The following MARK2 variants were observed in gnomAD, a reference collection of about 807,000 sequenced individuals.
MARK2 encodes serine/threonine-protein kinase MARK2.
A neutral mutation model predicts 89.8 loss-of-function variants in MARK2; 16 were observed. The observed-to-expected ratio is 0.18, with a 90% CI of 0.12 to 0.27. The LOEUF is 0.27. MARK2 is among the 10% of genes least tolerant of loss of function. MARK2 has a pLI of 1.00. For missense variants in MARK2, 621 were observed against 1,049.9 expected (o/e 0.59, Z 5.65); for synonymous variants, 382 against 399.5 (o/e 0.96, Z 0.52).
At chr11:63,861,924 C>CTTTT (rs71039682) in intron 1 of MARK2, among the ~76,000 whole-genome samples, 38 of 97,630 alleles carry the variant, frequency 3.9e-4, no homozygotes, top group South Asian at 1.2e-3. Context: ...TTCTTTCTTT[C>CTTTT]TTTTTTTTTT....
Position 63,898,850 on chromosome 11 carries a change from C to T in MARK2, c.474+17C>T, listed in dbSNP as rs758938795. 2 of 1,609,608 alleles carry T rather than the reference C, an allele frequency of 1.2e-6. No individual in the cohort carries two copies. Among genetic ancestry groups the T allele is most frequent in the Admixed American group, 1.7e-5 (1 of 60,004 alleles). On this transcript the variant is annotated intron_variant, in intron 6 of 18. Coordinates refer to ENST00000402010, the MANE Select transcript of MARK2 (RefSeq NM_001039469.3). ...TTCCGCCAGGTAGGTGTGACTCCCT[C>T]CATAGGAGCTAGGCCTGACCTCTGC...
intron 17 of MARK2, 64 bp downstream of exon 17, chr11:63,906,178 C>T: frequency 8.0e-7 from 1 of 1,251,640 alleles, no homozygotes; most frequent in Non-Finnish European, 1.0e-6. Context: ...GTCCTGCCTC[C>T]ATCACTAACT....
At chr11:63,849,209 T>A (rs2016437660) in intron 1 of MARK2, among the ~76,000 whole-genome samples, 1 of 152,150 alleles carries the variant, frequency 6.6e-6, no homozygotes, top group Non-Finnish European at 1.5e-5. Context: ...TCCCTACTTC[T>A]CCGCCACAGA....
At chr11:63,896,238 G>C (rs1403090627) in intron 3 of MARK2, among the ~76,000 whole-genome samples, 3 of 152,134 alleles carry the variant, frequency 2.0e-5, no homozygotes. Context: ...CCTACTTCCT[G>C]CATCTTGTTA....
chr11:63,886,438 T>G (rs1939401856), intron 1 of MARK2, among the ~76,000 whole-genome samples: 1 of 151,208 alleles, frequency 6.6e-6, no homozygotes, highest in Non-Finnish European at 1.5e-5. Flanking sequence ...TGGCTTTTTT[T>G]TTTTGAGACA....
At chr11:63,875,221 A>G (rs1311523883) in intron 1 of MARK2, among the ~76,000 whole-genome samples, 1 of 151,294 alleles carries the variant, frequency 6.6e-6, no homozygotes, top group African/African-American at 2.4e-5. Flanking sequence ...CCCAGGTTCA[A>G]GCGATTCTCC....
intron 1 of MARK2, among the ~76,000 whole-genome samples, chr11:63,844,508 A>T (rs1013100430): frequency 1.3e-5 from 2 of 152,162 alleles, no homozygotes; most frequent in Non-Finnish European, 2.9e-5. Flanking sequence ...ACTTTTCTCC[A>T]ATTTATGGAC....
In MARK2 at chr11:63,908,312, GGCTGGAGCCA is replaced by G. The variant is rs1201088969; in HGVS notation, c.2006+11_2006+20del. On this transcript the variant is annotated intron_variant, in intron 18 of 18. Coordinates refer to ENST00000402010, the MANE Select transcript of MARK2 (RefSeq NM_001039469.3). ...CCGAGTGGAGACGCTCAGGTGAGAG[GGCTGGAGCCA>G]GCACTGGCCCTGCCCGGGCCACCGG... The G allele has an allele frequency of 6.4e-7, 1 of 1,559,754 alleles. No individual in the cohort carries two copies. The highest frequency in any genetic ancestry group is 8.7e-7 in the Non-Finnish European group (1 of 1,151,252).
chr11:63,840,119 T>G (rs1280948710), intron 1 of MARK2, among the ~76,000 whole-genome samples: 2 of 152,158 alleles, frequency 1.3e-5, no homozygotes, highest in Non-Finnish European at 2.9e-5. Context: ...TTTTCCAAAT[T>G]GTGCTCTCCC....
rs34074167 is a variant in MARK2 at position 63,850,315 on chromosome 11, A to ATTTTTTTTTTTTTTTTT, written c.54+10764_54+10780dup. On this transcript the variant is annotated intron_variant, in intron 1 of 18. Transcript: ENST00000402010. ...AGGCACCTGCCACCATACCTGGCTA[A>ATTTTTTTTTTTTTTTTT]TTTTTTTTTTTTTTTTTTTTTTTTT... Among the ~76,000 whole-genome samples the ATTTTTTTTTTTTTTTTT allele has an allele frequency of 1.1e-4, 11 of 95,766 alleles. 1 individual carries two copies. The highest frequency in any genetic ancestry group is 1.8e-4 in the Non-Finnish European group (9 of 51,388). The allele number at this position is 95,766 out of a possible 152,430, so 62.8% of individuals were successfully genotyped here. A position where few individuals can be genotyped will look rare whatever the true frequency, so the allele number is the denominator to read the frequency against.
chr11:63,866,212 C>T (rs1464006998), intron 1 of MARK2, among the ~76,000 whole-genome samples: 3 of 151,918 alleles, frequency 2.0e-5, no homozygotes, highest in Admixed American at 1.3e-4. Context: ...ATTAGCCAGG[C>T]GTGGTGGTGT....
intron 3 of MARK2, 62 bp downstream of exon 3, chr11:63,895,695 GC>G (rs1940332463): frequency 7.0e-6 from 9 of 1,282,092 alleles, no homozygotes; most frequent in Non-Finnish European, 1.1e-6. Context: ...TTGAGTCAGA[GC>G]CTCACTCTTG....
At chr11:63,907,001 C>T (rs1941393783) in intron 17 of MARK2, among the ~76,000 whole-genome samples, 1 of 152,164 alleles carries the variant, frequency 6.6e-6, no homozygotes, top group Non-Finnish European at 1.5e-5. Flanking sequence ...TGCACCCTTA[C>T]TCAGGGGTCT....
At chr11:63,859,470 G>A (rs984946004) in intron 1 of MARK2, among the ~76,000 whole-genome samples, 1 of 151,774 alleles carries the variant, frequency 6.6e-6, no homozygotes, top group South Asian at 2.1e-4. Flanking sequence ...GCAGGTGCCC[G>A]CCAGTATACC....
At chr11:63,894,845 C>T (rs377575337) in intron 1 of MARK2, among the ~76,000 whole-genome samples, 1 of 152,142 alleles carries the variant, frequency 6.6e-6, no homozygotes, top group East Asian at 1.9e-4. Flanking sequence ...GGCAGGGTAC[C>T]GGCTCTCCCT....
chr11:63,897,298 G>A (rs1940492319), intron 3 of MARK2, among the ~76,000 whole-genome samples: 1 of 152,150 alleles, frequency 6.6e-6, no homozygotes, highest in South Asian at 2.1e-4. Context: ...GTTGGACCAG[G>A]GAAAAAAGTA....
chr11:63,898,294 G>A lies in MARK2; in HGVS notation c.337+14G>A. 6.2e-7 allele frequency: 1 copy of A among 1,611,834 alleles called. No individual in the cohort carries two copies. The highest frequency in any genetic ancestry group is 8.5e-7 in the Non-Finnish European group (1 of 1,177,992). ...ATCCCAACATAGGTGAGCACAAGTTGTTATTTCTTTCTTCTTCCCCAACAG... is the reference window on the plus strand; with the variant it reads ...ATCCCAACATAGGTGAGCACAAGTTATTATTTCTTTCTTCTTCCCCAACAG... On this transcript the variant is annotated intron_variant, in intron 4 of 18. Coordinates refer to ENST00000402010, the MANE Select transcript of MARK2 (RefSeq NM_001039469.3).
At chr11:63,887,334 G>A (rs1164911948) in intron 1 of MARK2, among the ~76,000 whole-genome samples, 2 of 152,222 alleles carry the variant, frequency 1.3e-5, no homozygotes, top group Non-Finnish European at 2.9e-5. Context: ...GTGAGATTTT[G>A]GGCAAGTCTC....
rs1216910363 is a variant in MARK2, at chr11:63,856,792, T to G, written c.54+17232T>G. Among the ~76,000 whole-genome samples, 48 of 38,594 alleles carry G rather than the reference T, an allele frequency of 1.2e-3. 1 individual carries two copies. Among genetic ancestry groups the G allele is most frequent in the African/African-American group, 4.7e-3 (45 of 9,624 alleles). The allele number at this position is 38,594 out of a possible 152,430, so 25.3% of individuals were successfully genotyped here. A position where few individuals can be genotyped will look rare whatever the true frequency, so the allele number is the denominator to read the frequency against. The stretch of plus-strand genomic sequence containing the variant: ...TGTTTTTTTTTTTTTTTTTTTTTTT[T>G]TTTTTTTTTTTTTGAGACAAAGTCT... On this transcript the variant is annotated intron_variant, in intron 1 of 18. Coordinates refer to ENST00000402010, the MANE Select transcript of MARK2 (RefSeq NM_001039469.3).
Sources: allele counts gnomAD v4.1 joint callset (sites outside exome capture counted in the v4.1 genomes callset), GRCh38; gene constraint gnomAD v4.1.1; transcripts MANE v1.5; gene names NCBI Gene and HGNC (gene_info 2026-07-23, HGNC 2026-07-21).